Variants in GAK observed in about 807,000 individuals in gnomAD.
GAK encodes cyclin G associated kinase.
GAK carries 79 observed loss-of-function variants against 143.9 expected under a neutral mutation model. The observed-to-expected ratio is 0.55, with a 90% CI of 0.46 to 0.66. GAK has a LOEUF of 0.66. GAK is among the 30% of genes least tolerant of loss of function. The probability of loss-of-function intolerance (pLI) is 0.00; values close to 1 mark genes in which losing one functional copy is unlikely to be tolerated. For synonymous variants in GAK, 881 were observed against 765.5 expected, an observed-to-expected ratio of 1.15 and a Z score of -2.49; for missense variants, 1,693 against 1,779.7, an observed-to-expected ratio of 0.95 and a Z score of 0.88.
chr4:891,426 G>A (rs1341409386), intron 9 of GAK, among the ~76,000 whole-genome samples: 1 of 152,154 alleles, frequency 6.6e-6, no homozygotes, highest in East Asian at 1.9e-4. Context: ...CAGCTCCTGG[G>A]TTCTGGGGGC....
intron 1 of GAK, among the ~76,000 whole-genome samples, chr4:931,114 G>GT (rs1323538053): frequency 2.6e-5 from 4 of 152,234 alleles, no homozygotes; most frequent in African/African-American, 7.2e-5. Flanking sequence ...GACAAAAAAT[G>GT]TAAGGAAAAT....
In GAK at chr4:893,309, G is replaced by A. The variant is rs376541027; in HGVS notation, c.990+68C>T. ...ATGTGCCTCCCTCCCCTCTGCGGGG[G>A]ATCTGGGGCTCATGTGTGCCTCCTT... On this transcript the variant is annotated intron_variant, in intron 9 of 27. Coordinates refer to ENST00000314167, the MANE Select transcript of GAK (RefSeq NM_005255.4). 33 of 1,170,930 alleles carry A rather than the reference G, an allele frequency of 2.8e-5. 1 individual carries two copies. The highest frequency in any genetic ancestry group is 1.4e-4 in the East Asian group (5 of 36,216). 72.5% of individuals were successfully genotyped at this position (1,170,930 alleles called of 1,614,324 possible). A position where few individuals can be genotyped will look rare whatever the true frequency, so the allele number is the denominator to read the frequency against.
intron 1 of GAK, among the ~76,000 whole-genome samples, chr4:917,483 CA>C (rs1322889452): frequency 6.6e-6 from 1 of 150,496 alleles, no homozygotes; most frequent in East Asian, 2.0e-4. Context: ...CTCTAGAAAA[CA>C]CAAATGGATC....
chr4:907,945 A>G (rs913086271), intron 4 of GAK, among the ~76,000 whole-genome samples: 1 of 150,612 alleles, frequency 6.6e-6, no homozygotes, highest in Non-Finnish European at 1.5e-5. Flanking sequence ...TCCTTCCCAC[A>G]CCACCCCATG....
intron 5 of GAK, among the ~76,000 whole-genome samples, chr4:904,113 T>C (rs1288701454): frequency 1.3e-5 from 2 of 152,158 alleles, no homozygotes; most frequent in Non-Finnish European, 2.9e-5. Flanking sequence ...GAACCGCGTG[T>C]GGAGGGAGCC....
chr4:893,537 TCAGCACCC>T, intron 8 of GAK, 48 bp from the exon 9 acceptor site: 1 of 1,375,612 alleles, frequency 7.3e-7, no homozygotes, highest in Non-Finnish European at 9.7e-7. Context: ...CCCAGGCGGG[TCAGCACCC>T]CCTGCACTGG....
chr4:930,504 A>G (rs1725485500), intron 1 of GAK, among the ~76,000 whole-genome samples: 2 of 149,828 alleles, frequency 1.3e-5, no homozygotes, highest in Non-Finnish European at 1.5e-5. Flanking sequence ...GATCCGTGCC[A>G]TCTTCTGCTT....
intron 19 of GAK, chr4:869,460 G>C (rs979232206): frequency 4.9e-5 from 7 of 142,024 alleles, no homozygotes; most frequent in African/African-American, 1.9e-4. Context: ...TGCACACACA[G>C]CACACACAGA....
chr4:865,037 C>A (rs1750912196), intron 23 of GAK, 85 bp downstream of exon 23: 1 of 1,522,660 alleles, frequency 6.6e-7, no homozygotes, highest in African/African-American at 1.4e-5. Flanking sequence ...GCAGAGAGGG[C>A]CCTGTTACAG....
At chr4:861,714 C>T (rs189356760) in intron 23 of GAK, among the ~76,000 whole-genome samples, 48 of 152,332 alleles carry the variant, frequency 3.2e-4, no homozygotes, top group Non-Finnish European at 4.6e-4. Context: ...ACGAATGATA[C>T]GAACACAAAC....
At chr4:914,370 C>CA (rs1560428536) in intron 1 of GAK, among the ~76,000 whole-genome samples, 19 of 117,378 alleles carry the variant, frequency 1.6e-4, no homozygotes, top group South Asian at 3.1e-4. Context: ...TGCACGGCCC[C>CA]CACACACACA....
chr4:930,783 C>A (rs1332286185), intron 1 of GAK, among the ~76,000 whole-genome samples: 3 of 152,058 alleles, frequency 2.0e-5, no homozygotes, highest in Admixed American at 6.6e-5. Flanking sequence ...CAAATCATAC[C>A]CAAAATCTGT....
chr4:890,193 G>A (rs558264404), intron 10 of GAK, among the ~76,000 whole-genome samples: 27 of 152,302 alleles, frequency 1.8e-4, no homozygotes, highest in African/African-American at 6.0e-4. Context: ...TCTTGGCCAC[G>A]GCGCAGGCTG....
At chr4:920,136 G>A (rs925687629) in intron 1 of GAK, among the ~76,000 whole-genome samples, 58 of 152,016 alleles carry the variant, frequency 3.8e-4, no homozygotes, top group African/African-American at 1.3e-3. Context: ...GTGAGACCCC[G>A]TCTCTACTAA....
intron 4 of GAK, 151 bp downstream of exon 4, chr4:911,522 T>C (rs1195946641): frequency 1.8e-6 from 1 of 557,624 alleles, no homozygotes; most frequent in Non-Finnish European, 3.3e-6. Context: ...ACAGAACTAC[T>C]GTCAGAGAGC....
At chr4:856,157 C>G (rs898388296) in intron 24 of GAK, among the ~76,000 whole-genome samples, 41 of 146,756 alleles carry the variant, frequency 2.8e-4, no homozygotes, top group African/African-American at 6.6e-4. Flanking sequence ...GCTCACCACA[C>G]CTGCTCACCA....
At chr4:889,071 T>TC (rs1182515420) in intron 10 of GAK, 101 bp from the exon 11 acceptor site, 14 of 1,339,312 alleles carry the variant, frequency 1.0e-5, no homozygotes, top group African/African-American at 1.5e-5. Flanking sequence ...CGGTCCCACC[T>TC]CCCCAGGCGC....
chr4:900,976 G>A (rs1220670884), intron 5 of GAK, among the ~76,000 whole-genome samples: 2 of 152,204 alleles, frequency 1.3e-5, no homozygotes, highest in African/African-American at 4.8e-5. Context: ...TGGGGCATCT[G>A]TCCAGTCGGC....
At chr4:926,754 T>G (rs915218417) in intron 1 of GAK, among the ~76,000 whole-genome samples, 1 of 152,030 alleles carries the variant, frequency 6.6e-6, no homozygotes, top group Admixed American at 6.5e-5. Context: ...TGTGGCAGAA[T>G]CTGGGCCTCA....
Sources: allele counts gnomAD v4.1 joint callset (sites outside exome capture counted in the v4.1 genomes callset), GRCh38; gene constraint gnomAD v4.1.1; transcripts MANE v1.5; gene names NCBI Gene and HGNC (gene_info 2026-07-23, HGNC 2026-07-21).